The following DENND4A variants were observed in gnomAD, a reference collection of about 807,000 sequenced individuals.
DENND4A encodes DENN domain containing 4A.
A neutral mutation model predicts 199.3 loss-of-function variants in DENND4A; 70 were observed. The observed-to-expected ratio is 0.35, with a 90% CI of 0.29 to 0.43. The LOEUF is 0.43. Among genes scored for constraint, DENND4A ranks in the 20% least tolerant of loss-of-function variants. The pLI is 1.00. For missense variants in DENND4A, 1,723 were observed against 2,255.8 expected, an observed-to-expected ratio of 0.76 and a Z score of 4.78; for synonymous variants, 686 against 766.9, an observed-to-expected ratio of 0.89 and a Z score of 1.74.
chr15:65,791,818 G>A (rs2077737221), intron 1 of DENND4A, among the ~76,000 whole-genome samples, 192 bp downstream of exon 1: 1 of 152,062 alleles, frequency 6.6e-6, no homozygotes, highest in Non-Finnish European at 1.5e-5. Flanking sequence ...TCTCAGCACC[G>A]CCGCGCCATC....
chr15:65,773,002 C>CAAAAAAAAA (rs61241995), intron 1 of DENND4A, among the ~76,000 whole-genome samples: 2 of 102,148 alleles, frequency 2.0e-5, no homozygotes, highest in Non-Finnish European at 4.0e-5. Flanking sequence ...TGTTTCTAAG[C>CAAAAAAAAA]AAAAAAAAAA....
At position 65,738,798 on chromosome 15, in the gene DENND4A, T is replaced by C. The variant is rs778112621; in HGVS notation, c.709A>G (p.Met237Val). The change falls in exon 6 of 33, where the codon ATG becomes GTG. Residue 237 changes from methionine (M) to valine (V), a missense_variant. Transcript: ENST00000443035. ...GGCCAACATTCAATGGTTGCACCCA[T>C]TGGTAAACAAAATAGAGGAACAGAT... ...PESVPLFCLP[M>V]GATIECWPSN... is the part of the protein sequence containing the mutation. 19 of 1,612,124 alleles carry C rather than the reference T, an allele frequency of 1.2e-5. No homozygotes were observed. Among genetic ancestry groups the C allele is most frequent in the Middle Eastern group, 1.7e-4 (1 of 5,958 alleles).
rs995297635 is a variant in DENND4A, at chr15:65,738,703, T to C, written c.801+3A>G. 5 of 1,606,396 alleles carry C rather than the reference T, an allele frequency of 3.1e-6. No homozygotes were observed. The African/African-American group carries it at 5.4e-5, about 17-fold the overall frequency. On this transcript the variant is annotated splice_donor_region_variant and intron_variant, in intron 6 of 32. Transcript: ENST00000443035. ...TAGATACAATTTGTCAAACACATAA[T>C]ACCTTTTCAGCTGAGGCTCCAGTTA...
intron 14 of DENND4A, among the ~76,000 whole-genome samples, chr15:65,714,199 C>T (rs2075326658): frequency 6.6e-6 from 1 of 151,998 alleles, no homozygotes; most frequent in Non-Finnish European, 1.5e-5. Context: ...ATCACGAGGT[C>T]AGGAGATCAA....
At chr15:65,750,913 TAGAG>T (rs1177099129) in intron 4 of DENND4A, among the ~76,000 whole-genome samples, 1 of 152,018 alleles carries the variant, frequency 6.6e-6, no homozygotes, top group Non-Finnish European at 1.5e-5. Context: ...AAGAATATGA[TAGAG>T]AGAGCAGAAG....
At chr15:65,670,740 A>T (rs2076190484) in intron 25 of DENND4A, among the ~76,000 whole-genome samples, 1 of 152,220 alleles carries the variant, frequency 6.6e-6, no homozygotes, top group Non-Finnish European at 1.5e-5. Flanking sequence ...TTTACAAAAG[A>T]CAGTTTAATA....
At chr15:65,769,443 G>C (rs979691342) in intron 1 of DENND4A, among the ~76,000 whole-genome samples, 5 of 152,084 alleles carry the variant, frequency 3.3e-5, no homozygotes, top group Admixed American at 2.0e-4. Context: ...ATGTAGTAAG[G>C]TTTAGCAGCT....
intron 9 of DENND4A, chr15:65,731,282 TTTAAAA>T (rs1351523174): frequency 9.2e-6 from 3 of 325,190 alleles, no homozygotes; most frequent in Non-Finnish European, 1.8e-5. Context: ...TTGGGTAAAA[TTTAAAA>T]TTAATTGCAT....
chr15:65,783,589 T>C (rs2077490248), intron 1 of DENND4A, among the ~76,000 whole-genome samples: 1 of 152,092 alleles, frequency 6.6e-6, no homozygotes, highest in African/African-American at 2.4e-5. Context: ...GAACCAGGGA[T>C]CCTTGGAAAA....
In DENND4A at chr15:65,756,376, T is replaced by C. The variant is rs2076700900; in HGVS notation, c.75A>G (p.Leu25=). ...VAGLTDVSKP[L]EEEIHFNDAC... Reference sequence around the variant, plus strand: ...CATCATTGAAGTGAATTTCTTCTTCTAGAGGCTTTGAAACATCAGTTAATC... The same window carrying C: ...CATCATTGAAGTGAATTTCTTCTTCCAGAGGCTTTGAAACATCAGTTAATC... The change falls in exon 3 of 33, where the codon CTA becomes CTG. Residue 25 remains leucine, a synonymous_variant. Coordinates refer to ENST00000443035, the MANE Select transcript of DENND4A (RefSeq NM_001320835.1). 4 of 1,613,990 alleles carry C rather than the reference T, an allele frequency of 2.5e-6. No homozygotes were observed. Among genetic ancestry groups the C allele is most frequent in the Non-Finnish European group, 3.4e-6 (4 of 1,179,874 alleles).
intron 8 of DENND4A, 49 bp downstream of exon 8, chr15:65,732,703 A>G (rs774731816): frequency 3.7e-5 from 39 of 1,064,838 alleles, no homozygotes; most frequent in Admixed American, 6.6e-5. Context: ...ATTTTGACAG[A>G]GCCAATAACA....
intron 27 of DENND4A, among the ~76,000 whole-genome samples, chr15:65,669,529 T>C (rs1378111536): frequency 1.3e-5 from 2 of 152,182 alleles, no homozygotes; most frequent in Non-Finnish European, 2.9e-5. Flanking sequence ...TTTAAAATAC[T>C]AGTAAACATT....
chr15:65,676,663 T>C (rs200591365), intron 23 of DENND4A, 29 bp from the exon 24 acceptor site: 142 of 1,556,014 alleles, frequency 9.1e-5, no homozygotes, highest in African/African-American at 6.0e-4. Context: ...GCTTAATTTC[T>C]TGTACATTTA....
chr15:65,702,679 TATAAA>T (rs2074916747), intron 16 of DENND4A, among the ~76,000 whole-genome samples, 168 bp from the exon 17 acceptor site: 1 of 152,246 alleles, frequency 6.6e-6, no homozygotes, highest in Admixed American at 6.5e-5. Flanking sequence ...TTAAACAGCA[TATAAA>T]ATAAAGTTCT....
intron 12 of DENND4A, among the ~76,000 whole-genome samples, chr15:65,718,631 C>T (rs968344151): frequency 2.0e-5 from 3 of 151,938 alleles, no homozygotes; most frequent in African/African-American, 7.3e-5. Context: ...CTCAAATCTT[C>T]ATACAGAATT....
intron 23 of DENND4A, among the ~76,000 whole-genome samples, chr15:65,678,796 C>T (rs2076473535): frequency 6.6e-6 from 1 of 151,938 alleles, no homozygotes; most frequent in Non-Finnish European, 1.5e-5. Context: ...CTCAGGTGAT[C>T]CTCCCACTTC....
In DENND4A at chr15:65,688,486, C is replaced by T. The variant is rs189177431; in HGVS notation, c.4179+1929G>A. ...TAATACTTCCGAGATTGTTGATGCT[C>T]TTGTTTCAGCAGGCAAACACTTGAG... On this transcript the variant is annotated intron_variant, in intron 23 of 32. Transcript: ENST00000443035. Among the ~76,000 whole-genome samples, 174 of 152,292 alleles carry T rather than the reference C, an allele frequency of 1.1e-3. 1 individual carries two copies. The highest frequency in any genetic ancestry group is 4.0e-3 in the African/African-American group (166 of 41,572).
chr15:65,766,250 C>CAAA (rs5813366), intron 1 of DENND4A, among the ~76,000 whole-genome samples: 1,148 of 93,810 alleles, frequency 0.012, 23 homozygotes, highest in African/African-American at 0.038. Context: ...GACTCCACCT[C>CAAA]AAAAAAAAAA....
At chr15:65,735,890 G>C (rs1335734650) in intron 7 of DENND4A, among the ~76,000 whole-genome samples, 2 of 152,174 alleles carry the variant, frequency 1.3e-5, no homozygotes, top group Admixed American at 6.5e-5. Flanking sequence ...TCAGGAGTTC[G>C]AGACCAGCCT....
Sources: gnomAD v4.1 joint callset for allele counts (sites outside exome capture counted in the v4.1 genomes callset) on GRCh38, gnomAD v4.1.1 for gene constraint, MANE v1.5 for transcripts, NCBI Gene and HGNC (gene_info 2026-07-23, HGNC 2026-07-21) for gene names.